CC2D2A: variants seen among roughly 807,000 people sequenced by gnomAD.
CC2D2A encodes coiled-coil and C2 domain containing 2A, also known as coiled-coil and C2 domain-containing protein 2A.
In CC2D2A, 155 loss-of-function variants were observed where a neutral mutation model predicts 212.9. The ratio of observed to expected loss-of-function variants is 0.73; its 90% CI spans 0.64 to 0.83. CC2D2A has a LOEUF of 0.83. Among genes scored for constraint, CC2D2A ranks in the 40% least tolerant of loss-of-function variants. CC2D2A has a pLI of 0.00. For synonymous variants in CC2D2A, 667 were observed against 686.5 expected, an observed-to-expected ratio of 0.97 and a Z score of 0.44; for missense variants, 1,856 against 1,956.2, an observed-to-expected ratio of 0.95 and a Z score of 0.97.
intron 17 of CC2D2A, among the ~76,000 whole-genome samples, chr4:15,541,822 A>G (rs1718467582): frequency 6.6e-6 from 1 of 152,086 alleles, no homozygotes; most frequent in Admixed American, 6.5e-5. Flanking sequence ...TTTCCTGGGG[A>G]AACTAAACTA....
At chr4:15,555,027 G>A in intron 19 of CC2D2A, 45 bp from the exon 20 acceptor site, 1 of 1,579,208 alleles carries the variant, frequency 6.3e-7, no homozygotes, top group Non-Finnish European at 8.6e-7. Context: ...GATGCAAACT[G>A]TTCTGTGGTC....
At chr4:15,574,704 A>C (rs1190525072) in intron 29 of CC2D2A, among the ~76,000 whole-genome samples, 11 of 152,248 alleles carry the variant, frequency 7.2e-5, no homozygotes, top group Non-Finnish European at 1.2e-4. Context: ...TATTGGCAAG[A>C]ATACATTTCC....
intron 15 of CC2D2A, among the ~76,000 whole-genome samples, chr4:15,537,293 C>G (rs923676551): frequency 4.6e-5 from 7 of 152,164 alleles, no homozygotes; most frequent in African/African-American, 1.7e-4. Flanking sequence ...GATACCAGAG[C>G]CAGCTGTGTC....
At position 15,533,090 on chromosome 4, in the gene CC2D2A, G is replaced by A. The variant is rs4698397; in HGVS notation, c.1467-103G>A. On this transcript the variant is annotated intron_variant, in intron 13 of 36. Transcript: ENST00000424120. ...GTTTTCTGTACTTGTTTCAAAATAC[G>A]GTAGCTATCAAATTGAATATACAAT... The A allele has an allele frequency of 0.041, 36,050 of 876,876 alleles. 2,010 individuals carry two copies. The highest frequency in any genetic ancestry group is 0.21 in the East Asian group (7,148 of 33,416). 54.3% of individuals were successfully genotyped at this position (876,876 alleles called of 1,614,324 possible). A position where few individuals can be genotyped will look rare whatever the true frequency, so the allele number is the denominator to read the frequency against.
chr4:15,600,865 C>CCACTGCAG (rs1417243467), intron 36 of CC2D2A, among the ~76,000 whole-genome samples: 1 of 144,924 alleles, frequency 6.9e-6, no homozygotes, highest in African/African-American at 2.6e-5. Flanking sequence ...CATGATCATG[C>CCACTGCAG]CACTGCAGTC....
chr4:15,530,674 T>G (rs1055622141), intron 13 of CC2D2A, among the ~76,000 whole-genome samples: 1 of 152,138 alleles, frequency 6.6e-6, no homozygotes, highest in African/African-American at 2.4e-5. Context: ...TCTGACCCAG[T>G]AAAAGAGATT....
At chr4:15,502,402 T>A (rs1716006574) in intron 4 of CC2D2A, 27 bp from the exon 5 acceptor site, 1 of 1,536,904 alleles carries the variant, frequency 6.5e-7, no homozygotes, top group Admixed American at 2.1e-5. Flanking sequence ...TTTTTTATTT[T>A]GTTTTGTTTT....
intron 16 of CC2D2A, among the ~76,000 whole-genome samples, chr4:15,539,718 G>C (rs560057353): frequency 6.6e-6 from 1 of 152,250 alleles, no homozygotes; most frequent in African/African-American, 2.4e-5. Flanking sequence ...TGACATGAAT[G>C]TTCAAAATAT....
chr4:15,600,263 C>G (rs1437764517), intron 36 of CC2D2A, among the ~76,000 whole-genome samples: 1 of 152,158 alleles, frequency 6.6e-6, no homozygotes. Context: ...AAGGCAGGTT[C>G]TCAGCCAGGA....
At chr4:15,472,946 G>T (rs1295244266) in intron 1 of CC2D2A, among the ~76,000 whole-genome samples, 1 of 152,142 alleles carries the variant, frequency 6.6e-6, no homozygotes, top group African/African-American at 2.4e-5. Flanking sequence ...CCAAGTCCCA[G>T]TTAAGATTTG....
intron 27 of CC2D2A, 71 bp from the exon 28 acceptor site, chr4:15,570,327 T>G (rs1720097879): frequency 2.2e-6 from 2 of 929,328 alleles, no homozygotes; most frequent in African/African-American, 3.3e-5. Context: ...CTTGCTGCTT[T>G]CCTGCTGCCA....
At chr4:15,587,145 T>C (rs184305572) in intron 31 of CC2D2A, among the ~76,000 whole-genome samples, 6 of 152,346 alleles carry the variant, frequency 3.9e-5, no homozygotes, top group Non-Finnish European at 7.3e-5. Context: ...CCTCAGATCA[T>C]CAGGCATTAG....
Position 15,570,401 on chromosome 4 carries a change from G to A in CC2D2A, c.3499G>A (p.Asp1167Asn), listed in dbSNP as rs371998498. ...DEVLHDVLED[D>N]RERGSGIHTR... Reference sequence around the variant, plus strand: ...TTACTTCCCACCCTTCCTTTAGGATGACCGTGAAAGAGGAAGTGGAATCCA... The same window carrying A: ...TTACTTCCCACCCTTCCTTTAGGATAACCGTGAAAGAGGAAGTGGAATCCA... The change falls in exon 28 of 37, where the codon GAC becomes AAC. Residue 1167 changes from aspartate to asparagine, a missense_variant. This residue lies in a region of CC2D2A where 1,512 missense variants were observed against 1,579.3 expected (regional missense o/e 0.96). Coordinates refer to ENST00000424120, the MANE Select transcript of CC2D2A (RefSeq NM_001378615.1). 3.8e-6 allele frequency: 6 copies of A among 1,589,580 alleles called. No individual in the cohort carries two copies. Among genetic ancestry groups the A allele is most frequent in the Non-Finnish European group, 5.2e-6 (6 of 1,162,690 alleles).
At chr4:15,516,528 T>A in intron 10 of CC2D2A, 97 bp from the exon 11 acceptor site, 1 of 1,230,706 alleles carries the variant, frequency 8.1e-7, no homozygotes, top group Non-Finnish European at 1.1e-6. Context: ...GAAATATATA[T>A]GTTGACACAG....
In CC2D2A at chr4:15,570,461, A is replaced by C. The variant is rs1351267431; in HGVS notation, c.3559A>C (p.Lys1187Gln). 3 of 1,608,498 alleles carry C rather than the reference A, an allele frequency of 1.9e-6. No individual in the cohort carries two copies. In the East Asian group the frequency reaches 6.7e-5, roughly 36 times the overall value. ...RIERHWLGCV[K>Q]MPFSTIYFQA... ...TGAGAGACACTGGCTGGGATGTGTG[A>C]AAATGCCATTTAGCACAATATATTT... The change falls in exon 28 of 37, where the codon AAA becomes CAA. Residue 1187 changes from lysine (K) to glutamine (Q), a missense_variant. Lys to Gln is a moderately conservative substitution (Grantham distance 53). Transcript: ENST00000424120.
At chr4:15,572,046 G>T (rs1720192747) in intron 28 of CC2D2A, among the ~76,000 whole-genome samples, 1 of 152,108 alleles carries the variant, frequency 6.6e-6, no homozygotes, top group Non-Finnish European at 1.5e-5. Context: ...ATACTTCCCT[G>T]TAATTCCTAT....
intron 4 of CC2D2A, among the ~76,000 whole-genome samples, chr4:15,500,099 G>GTATACATATA (rs71179633): frequency 6.4e-4 from 45 of 69,820 alleles, no homozygotes; most frequent in African/African-American, 1.9e-3. Context: ...GTGTGTGTGT[G>GTATACATATA]TGTGTGTGTA....
chr4:15,521,902 A>G (rs1420091966), intron 11 of CC2D2A, among the ~76,000 whole-genome samples: 1 of 152,234 alleles, frequency 6.6e-6, no homozygotes, highest in Admixed American at 6.5e-5. Context: ...TGCCAAATCA[A>G]AAGTTGGCAA....
chr4:15,480,676 C>A, intron 3 of CC2D2A, 28 bp from the exon 4 acceptor site: 1 of 1,598,714 alleles, frequency 6.3e-7, no homozygotes, highest in South Asian at 1.1e-5. Flanking sequence ...TCCTGGGAGT[C>A]TCTGAACCTC....
Sources: gnomAD v4.1 joint callset for allele counts (sites outside exome capture counted in the v4.1 genomes callset) on GRCh38, gnomAD v4.1.1 for gene constraint, gnomAD v4.1.1 regional missense constraint, MANE v1.5 for transcripts, NCBI Gene and HGNC (gene_info 2026-07-23, HGNC 2026-07-21) for gene names.